The following RAB3IP variants were observed in gnomAD, a reference collection of about 807,000 sequenced individuals.
RAB3IP encodes RAB3A interacting protein, also known as rab-3A-interacting protein.
RAB3IP carries 36 observed loss-of-function variants against 59.1 expected under a neutral mutation model. That is an observed-to-expected ratio of 0.61 (90% CI 0.47 to 0.80). The LOEUF (loss-of-function observed/expected upper bound fraction) is 0.80. Among genes scored for constraint, RAB3IP ranks in the 30% least tolerant of loss-of-function variants. RAB3IP has a pLI of 0.00. For synonymous variants in RAB3IP, 207 were observed against 191.2 expected (o/e 1.08, Z -0.68); for missense variants, 511 against 536.0 (o/e 0.95, Z 0.46).
At chr12:69,803,462 G>A (rs1878707783) in intron 8 of RAB3IP, among the ~76,000 whole-genome samples, 1 of 151,960 alleles carries the variant, frequency 6.6e-6, no homozygotes, top group South Asian at 2.1e-4. Context: ...CTTCTTGAAG[G>A]AAGAGAGATT....
rs373821057 is a variant in RAB3IP, at chr12:69,756,678, A to G, written c.510+15A>G. 2.1e-5 allele frequency: 34 copies of G among 1,599,396 alleles called. 1 individual carries two copies. The African/African-American group carries it at 4.5e-4, about 21-fold the overall frequency. On this transcript the variant is annotated intron_variant, in intron 3 of 10. Transcript: ENST00000247833. ...AAGCTCAGAGGGTAAGAAAGAAGAT[A>G]TTTTATTCTTCCATATATTATATTA...
intron 3 of RAB3IP, among the ~76,000 whole-genome samples, chr12:69,764,697 TTGATAGGAA>T (rs1265857952): frequency 1.3e-5 from 2 of 152,200 alleles, no homozygotes; most frequent in African/African-American, 4.8e-5. Flanking sequence ...CATTGGTAGT[TTGATAGGAA>T]TACCGTTGAA....
chr12:69,786,528 A>G (rs1640708373), intron 4 of RAB3IP, among the ~76,000 whole-genome samples: 1 of 152,208 alleles, frequency 6.6e-6, no homozygotes, highest in Admixed American at 6.5e-5. Flanking sequence ...ATAGAAGGTT[A>G]TACAGAAGCA....
chr12:69,815,819 C>T lies in RAB3IP; in HGVS notation c.*373C>T, dbSNP rs1881080457. 6.5e-6 allele frequency: 1 copy of T among 154,618 alleles called. No individual in the cohort carries two copies. Among genetic ancestry groups the T allele is most frequent in the Non-Finnish European group, 1.4e-5 (1 of 69,476 alleles). The allele number at this position is 154,618 out of a possible 1,614,324, so 9.6% of individuals were successfully genotyped here. On this transcript the variant is annotated 3_prime_UTR_variant, in exon 11 of 11. Transcript: ENST00000247833. ...TTTCAAACTACACAGTAGCTTCCTTCCTTGTGAGAGGCAAGAAAGAAGTCT... is the reference window on the plus strand; with the variant it reads ...TTTCAAACTACACAGTAGCTTCCTTTCTTGTGAGAGGCAAGAAAGAAGTCT...
intron 3 of RAB3IP, among the ~76,000 whole-genome samples, chr12:69,782,083 C>T (rs1592542297): frequency 6.6e-6 from 1 of 152,164 alleles, no homozygotes; most frequent in East Asian, 1.9e-4. Context: ...AACTATATTA[C>T]CACCACAGTT....
rs1881676759 is a variant in RAB3IP, at chr12:69,820,951, C to T, written c.*5505C>T. 1 of 146,904 alleles carries T rather than the reference C, an allele frequency of 6.8e-6. No individual in the cohort carries two copies. Among genetic ancestry groups the T allele is most frequent in the African/African-American group, 2.5e-5 (1 of 39,824 alleles). The allele number at this position is 146,904 out of a possible 1,614,324, so 9.1% of individuals were successfully genotyped here. A position where few individuals can be genotyped will look rare whatever the true frequency, so the allele number is the denominator to read the frequency against. ...AAATAACAATGAAAGCTTTAAAAAA[C>T]TCCATGAAAATTTGCAAAACTTAAA... On this transcript the variant is annotated 3_prime_UTR_variant, in exon 11 of 11. Coordinates refer to ENST00000247833, the MANE Select transcript of RAB3IP (RefSeq NM_022456.5).
chr12:69,801,198 T>G (rs1407915190), intron 7 of RAB3IP, among the ~76,000 whole-genome samples: 1 of 152,194 alleles, frequency 6.6e-6, no homozygotes, highest in Non-Finnish European at 1.5e-5. Flanking sequence ...TAAATACAAA[T>G]TCAGAAAATA....
chr12:69,750,461 G>C (rs1869067568), intron 1 of RAB3IP, among the ~76,000 whole-genome samples: 1 of 150,540 alleles, frequency 6.6e-6, no homozygotes, highest in Non-Finnish European at 1.5e-5. Context: ...TTTTACAGTT[G>C]GTTTATTCAA....
chr12:69,754,440 A>G (rs1869862852), intron 1 of RAB3IP, among the ~76,000 whole-genome samples: 1 of 152,184 alleles, frequency 6.6e-6, no homozygotes, highest in Admixed American at 6.5e-5. Flanking sequence ...ACTCAAAAAT[A>G]TTAACAATTT....
rs1028357317 is a variant in RAB3IP at position 69,816,313 on chromosome 12, A to C, written c.*867A>C. 2 of 152,222 alleles carry C rather than the reference A, an allele frequency of 1.3e-5. No homozygotes were observed. The highest frequency in any genetic ancestry group is 2.9e-5 in the Non-Finnish European group (2 of 68,034). 9.4% of individuals were successfully genotyped at this position (152,222 alleles called of 1,614,324 possible). On this transcript the variant is annotated 3_prime_UTR_variant, in exon 11 of 11. Transcript: ENST00000247833. ...TATAACAAAGAGGTTTGTGGTAGAC[A>C]TGTAATAAGTATAGAAAAGCAAAAA...
In RAB3IP at chr12:69,792,167, G is replaced by C. The variant is rs190114539; in HGVS notation, c.607-2270G>C. ...TCAGGGGCTGGAAAGTGGGAGAAAC[G>C]GGAGATGTCGGTCATTGGTACAAAG... is the stretch of plus-strand genomic sequence containing the variant. On this transcript the variant is annotated intron_variant, in intron 4 of 10. Transcript: ENST00000247833. Among the ~76,000 whole-genome samples, 608 of 152,272 alleles carry C rather than the reference G, an allele frequency of 4.0e-3. 5 individuals are homozygous for C. Among genetic ancestry groups the C allele is most frequent in the African/African-American group, 0.014 (592 of 41,548 alleles).
At chr12:69,758,454 T>C (rs1392387362) in intron 3 of RAB3IP, among the ~76,000 whole-genome samples, 1 of 152,226 alleles carries the variant, frequency 6.6e-6, no homozygotes, top group Admixed American at 6.5e-5. Flanking sequence ...CCTGTGGCTT[T>C]TATCTTTGTT....
intron 4 of RAB3IP, among the ~76,000 whole-genome samples, chr12:69,791,755 A>C (rs191851253): frequency 3.9e-4 from 59 of 152,316 alleles, no homozygotes; most frequent in Admixed American, 3.8e-3. Context: ...ACAGTATGGA[A>C]GTTTCTGCTC....
At chr12:69,751,773 G>A (rs1034554959) in intron 1 of RAB3IP, among the ~76,000 whole-genome samples, 10 of 151,918 alleles carry the variant, frequency 6.6e-5, no homozygotes, top group African/African-American at 2.2e-4. Flanking sequence ...AAAATCACTC[G>A]AAGTAGTTCT....
At chr12:69,752,106 C>T (rs1356536526) in intron 1 of RAB3IP, among the ~76,000 whole-genome samples, 2 of 150,590 alleles carry the variant, frequency 1.3e-5, no homozygotes, top group African/African-American at 4.9e-5. Context: ...TCAGCTCAAG[C>T]CATCCTCCCA....
chr12:69,781,540 C>T (rs536773782), intron 3 of RAB3IP, among the ~76,000 whole-genome samples: 1 of 152,312 alleles, frequency 6.6e-6, no homozygotes, highest in African/African-American at 2.4e-5. Flanking sequence ...ATCCCTTCCT[C>T]CCTAAAAACC....
intron 10 of RAB3IP, among the ~76,000 whole-genome samples, chr12:69,813,492 A>T (rs1237063241): frequency 6.6e-6 from 1 of 152,200 alleles, no homozygotes; most frequent in East Asian, 1.9e-4. Flanking sequence ...TAAAGCAGTC[A>T]TGAGGATAAT....
In RAB3IP at chr12:69,816,738, C is replaced by G. The variant is rs1213665519; in HGVS notation, c.*1292C>G. 1 of 152,098 alleles carries G rather than the reference C, an allele frequency of 6.6e-6. No homozygotes were observed. Among genetic ancestry groups the G allele is most frequent in the Non-Finnish European group, 1.5e-5 (1 of 68,020 alleles). 9.4% of individuals were successfully genotyped at this position (152,098 alleles called of 1,614,324 possible). On this transcript the variant is annotated 3_prime_UTR_variant, in exon 11 of 11. Transcript: ENST00000247833. ...TTGATCTGCATTGCTAGATTGCCATCCAGAAAAGTTAATCAATTTGTATTC... is the reference window on the plus strand; with the variant it reads ...TTGATCTGCATTGCTAGATTGCCATGCAGAAAAGTTAATCAATTTGTATTC...
chr12:69,749,201 C>G (rs2136109846), intron 1 of RAB3IP, among the ~76,000 whole-genome samples: 1 of 152,328 alleles, frequency 6.6e-6, no homozygotes, highest in South Asian at 2.1e-4. Context: ...AGCTCCACCT[C>G]CTGTCAGATC....
Sources: gnomAD v4.1 joint callset for allele counts (sites outside exome capture counted in the v4.1 genomes callset) on GRCh38, gnomAD v4.1.1 for gene constraint, MANE v1.5 for transcripts, NCBI Gene and HGNC (gene_info 2026-07-23, HGNC 2026-07-21) for gene names.